The following DIP2C variants were observed in gnomAD, a reference collection of about 807,000 sequenced individuals.
DIP2C encodes disco-interacting protein 2 homolog C.
DIP2C carries 33 observed loss-of-function variants against 192.4 expected under a neutral mutation model. The ratio of observed to expected loss-of-function variants is 0.17; its 90% CI spans 0.13 to 0.23. DIP2C has a LOEUF of 0.23. DIP2C is among the 10% of genes least tolerant of loss of function. DIP2C has a pLI of 1.00. For missense variants in DIP2C, 1,537 were observed against 2,110.1 expected, an observed-to-expected ratio of 0.73 and a Z score of 5.32; for synonymous variants, 979 against 864.1, an observed-to-expected ratio of 1.13 and a Z score of -2.33.
At chr10:315,431 T>C (rs975785871) in intron 31 of DIP2C, among the ~76,000 whole-genome samples, 5 of 152,216 alleles carry the variant, frequency 3.3e-5, no homozygotes, top group Non-Finnish European at 5.9e-5. Context: ...ATTCTCTAGG[T>C]TGGCTAAGTA....
At chr10:555,825 G>A (rs1438785141) in intron 1 of DIP2C, among the ~76,000 whole-genome samples, 1 of 152,088 alleles carries the variant, frequency 6.6e-6, no homozygotes, top group Non-Finnish European at 1.5e-5. Context: ...ACGGCGTCCA[G>A]TCTCCGTTCC....
intron 1 of DIP2C, among the ~76,000 whole-genome samples, chr10:582,845 T>C (rs778660684): frequency 3.9e-5 from 6 of 152,196 alleles, no homozygotes; most frequent in South Asian, 2.1e-4. Flanking sequence ...GAGGTTCTAA[T>C]TGAGAAAATT....
chr10:378,000 A>G (rs1717490078), intron 17 of DIP2C, among the ~76,000 whole-genome samples: 1 of 152,200 alleles, frequency 6.6e-6, no homozygotes, highest in Non-Finnish European at 1.5e-5. Context: ...TATCATCTAC[A>G]TTCTAGAGAT....
chr10:637,266 G>A (rs982517964), intron 1 of DIP2C, among the ~76,000 whole-genome samples: 4 of 147,392 alleles, frequency 2.7e-5, no homozygotes, highest in African/African-American at 5.1e-5. Context: ...ACCTGCCTTC[G>A]TCCACCTAGG....
At position 275,237 on chromosome 10, in the gene DIP2C, GC is replaced by G. The variant is rs1954454581; in HGVS notation, c.*2087del. 1 of 152,234 alleles carries G rather than the reference GC, an allele frequency of 6.6e-6. No individual in the cohort carries two copies. The allele number at this position is 152,234 out of a possible 1,614,324, so 9.4% of individuals were successfully genotyped here. On this transcript the variant is annotated 3_prime_UTR_variant, in exon 37 of 37. Transcript: ENST00000280886. ...TTTCATAGTCAGTGCCTGGCCTGAA[GC>G]CCCAAACCTACCTCCCTTTCAACAA...
chr10:523,058 G>A lies in DIP2C; in HGVS notation c.86-36528C>T, dbSNP rs74115034. Among the ~76,000 whole-genome samples, 1,003 of 152,078 alleles carry A rather than the reference G, an allele frequency of 6.6e-3. 10 individuals are homozygous for A. Among genetic ancestry groups the A allele is most frequent in the African/African-American group, 0.023 (948 of 41,460 alleles). On this transcript the variant is annotated intron_variant, in intron 1 of 36. Coordinates refer to ENST00000280886, the MANE Select transcript of DIP2C (RefSeq NM_014974.3). ...AGGAGTGAGGATGCAGGGACTCTACGTGACCCACGCGCTCATTTCCACCTG... is the reference window on the plus strand; with the variant it reads ...AGGAGTGAGGATGCAGGGACTCTACATGACCCACGCGCTCATTTCCACCTG...
chr10:545,040 C>CG (rs1265067373), intron 1 of DIP2C, among the ~76,000 whole-genome samples: 1 of 152,072 alleles, frequency 6.6e-6, no homozygotes, highest in South Asian at 2.1e-4. Context: ...ACTGTGTCCC[C>CG]GCAAGATTCC....
At chr10:588,364 G>C (rs1851206547) in intron 1 of DIP2C, among the ~76,000 whole-genome samples, 1 of 152,262 alleles carries the variant, frequency 6.6e-6, no homozygotes, top group Non-Finnish European at 1.5e-5. Flanking sequence ...AGTCAAATCA[G>C]TGCTGCTCAA....
intron 1 of DIP2C, among the ~76,000 whole-genome samples, chr10:649,319 G>C: frequency 6.7e-6 from 1 of 148,650 alleles, no homozygotes; most frequent in East Asian, 2.0e-4. Flanking sequence ...CTGAGTCCAC[G>C]TCCACATTGG....
intron 1 of DIP2C, chr10:649,823 A>G (rs1385813110): frequency 2.2e-6 from 1 of 446,650 alleles, no homozygotes; most frequent in African/African-American, 2.0e-5. Context: ...TCTGGCAGAA[A>G]ACCATTGAAG....
chr10:293,909 T>A (rs985848343), intron 32 of DIP2C, among the ~76,000 whole-genome samples: 4 of 152,098 alleles, frequency 2.6e-5, no homozygotes, highest in African/African-American at 9.7e-5. Flanking sequence ...GGGAAGAAGA[T>A]CTGGATCAGG....
intron 1 of DIP2C, among the ~76,000 whole-genome samples, chr10:679,506 G>A (rs528728991): frequency 0.25 from 708 of 2,796 alleles, 239 homozygotes; most frequent in Middle Eastern, 0.67. Context: ...CCCCACACCC[G>A]TGCTCCCCAC....
At chr10:535,188 C>G (rs1327107018) in intron 1 of DIP2C, among the ~76,000 whole-genome samples, 1 of 152,090 alleles carries the variant, frequency 6.6e-6, no homozygotes, top group African/African-American at 2.4e-5. Context: ...GCAGCCTGTT[C>G]AGGAGAAGGT....
intron 3 of DIP2C, among the ~76,000 whole-genome samples, chr10:465,132 T>C (rs1246557975): frequency 8.5e-6 from 1 of 117,106 alleles, no homozygotes; most frequent in East Asian, 2.3e-4. Context: ...GATGCAAAAA[T>C]CCTCAATAAA....
At chr10:616,785 A>C (rs1013649121) in intron 1 of DIP2C, among the ~76,000 whole-genome samples, 1 of 152,098 alleles carries the variant, frequency 6.6e-6, no homozygotes, top group Admixed American at 6.5e-5. Context: ...GGTGCCTAGG[A>C]ATCAGCATTT....
intron 1 of DIP2C, among the ~76,000 whole-genome samples, chr10:555,501 C>T (rs754321454): frequency 1.3e-5 from 2 of 152,190 alleles, no homozygotes; most frequent in African/African-American, 2.4e-5. Flanking sequence ...CCCCAGCATG[C>T]GGGTATCTCT....
chr10:374,084 G>A (rs150276739), intron 17 of DIP2C, among the ~76,000 whole-genome samples: 1 of 152,262 alleles, frequency 6.6e-6, no homozygotes, highest in East Asian at 1.9e-4. Flanking sequence ...AAACATATCT[G>A]CAGATCTTTC....
At chr10:599,971 A>T (rs1851950493) in intron 1 of DIP2C, among the ~76,000 whole-genome samples, 2 of 151,738 alleles carry the variant, frequency 1.3e-5, no homozygotes, top group Admixed American at 1.3e-4. Context: ...GGCTTCCAGG[A>T]CTCTCTCTAG....
intron 36 of DIP2C, among the ~76,000 whole-genome samples, chr10:280,031 G>A (rs564906374): frequency 5.4e-4 from 82 of 152,324 alleles, no homozygotes; most frequent in African/African-American, 1.9e-3. Context: ...GGCCCTGGCC[G>A]AGTTTCTGGG....
Sources: allele counts gnomAD v4.1 joint callset (sites outside exome capture counted in the v4.1 genomes callset), GRCh38; gene constraint gnomAD v4.1.1; transcripts MANE v1.5; gene names NCBI Gene and HGNC (gene_info 2026-07-23, HGNC 2026-07-21).